Variants in ZNF277 observed in about 807,000 individuals in gnomAD.
ZNF277 encodes the protein nuclear receptor-interacting factor 4.
A neutral mutation model predicts 60.7 loss-of-function variants in ZNF277; 55 were observed. The observed-to-expected ratio is 0.91, with a 90% CI of 0.73 to 1.13. ZNF277 has a LOEUF of 1.13. ZNF277 is among the 50% of genes most tolerant of loss of function. The pLI, the probability that ZNF277 is intolerant of heterozygous loss-of-function variation, is 0.00. For missense variants in ZNF277, 510 were observed against 523.0 expected (o/e 0.98, Z 0.24); for synonymous variants, 178 against 179.3 (o/e 0.99, Z 0.06).
chr7:112,210,913 T>C (rs1821728238), intron 1 of ZNF277, among the ~76,000 whole-genome samples: 1 of 152,238 alleles, frequency 6.6e-6, no homozygotes, highest in South Asian at 2.1e-4. Context: ...GTTCTTTTGC[T>C]GTTTTTAAAA....
intron 4 of ZNF277, among the ~76,000 whole-genome samples, chr7:112,304,951 C>A (rs1350188073): frequency 1.3e-5 from 2 of 152,150 alleles, no homozygotes; most frequent in Non-Finnish European, 2.9e-5. Flanking sequence ...CTCTGAGCCA[C>A]TCTCCCACGT....
intron 8 of ZNF277, among the ~76,000 whole-genome samples, chr7:112,336,744 G>A (rs1477018907): frequency 6.6e-6 from 1 of 152,132 alleles, no homozygotes; most frequent in Non-Finnish European, 1.5e-5. Context: ...AAGCCCAAAG[G>A]TAGAGAGCTG....
At chr7:112,319,178 A>G (rs1272293210) in intron 5 of ZNF277, among the ~76,000 whole-genome samples, 1 of 152,040 alleles carries the variant, frequency 6.6e-6, no homozygotes, top group Non-Finnish European at 1.5e-5. Context: ...TATTGAACTC[A>G]ATCAGCAGCC....
rs144036584 is a variant in ZNF277, at chr7:112,225,029, G to A, written c.91+18222G>A. Among the ~76,000 whole-genome samples, 29 of 152,316 alleles carry A rather than the reference G, an allele frequency of 1.9e-4. No individual in the cohort carries two copies. The East Asian group carries it at 4.6e-3, about 24-fold the overall frequency. On this transcript the variant is annotated intron_variant, in intron 1 of 11. Coordinates refer to ENST00000361822, the MANE Select transcript of ZNF277 (RefSeq NM_021994.3). Reference sequence around the variant, plus strand: ...ATATAGAGGAAGATGGATTCTGGATGAGGCATCAAGTCAAGAAGTGATAGA... The same window carrying A: ...ATATAGAGGAAGATGGATTCTGGATAAGGCATCAAGTCAAGAAGTGATAGA...
intron 1 of ZNF277, among the ~76,000 whole-genome samples, chr7:112,224,318 A>G (rs576391321): frequency 7.2e-5 from 11 of 152,272 alleles, no homozygotes; most frequent in Non-Finnish European, 1.5e-4. Context: ...AACAAATTTC[A>G]TAATGTTTTA....
chr7:112,257,431 T>C (rs1426433325), intron 1 of ZNF277, among the ~76,000 whole-genome samples: 2 of 152,144 alleles, frequency 1.3e-5, no homozygotes, highest in African/African-American at 4.8e-5. Flanking sequence ...GAACTGGGTA[T>C]AAAATGAATG....
At position 112,252,475 on chromosome 7, in the gene ZNF277, A is replaced by G. The variant is rs374682584; in HGVS notation, c.92-34398A>G. Reference sequence around the variant, plus strand: ...GAGTCACTGAGACAGAAAGAAGAAAAACTTAAAAAGAAACAAAACTCTTTT... The same window carrying G: ...GAGTCACTGAGACAGAAAGAAGAAAGACTTAAAAAGAAACAAAACTCTTTT... On this transcript the variant is annotated intron_variant, in intron 1 of 11. Coordinates refer to ENST00000361822, the MANE Select transcript of ZNF277 (RefSeq NM_021994.3). Among the ~76,000 whole-genome samples the G allele has an allele frequency of 1.9e-4, 29 of 152,306 alleles. 1 individual carries two copies. The East Asian group carries it at 3.1e-3, about 16-fold the overall frequency.
At chr7:112,311,721 AAAAAG>A (rs1394339332) in intron 4 of ZNF277, among the ~76,000 whole-genome samples, 1 of 152,020 alleles carries the variant, frequency 6.6e-6, no homozygotes, top group Non-Finnish European at 1.5e-5. Flanking sequence ...GGAAAGAAAA[AAAAAG>A]AGGGAGAAAA....
At chr7:112,225,877 T>C (rs2116969386) in intron 1 of ZNF277, among the ~76,000 whole-genome samples, 1 of 152,306 alleles carries the variant, frequency 6.6e-6, no homozygotes, top group Non-Finnish European at 1.5e-5. Context: ...GAGAAAAGTA[T>C]TATGATACTA....
chr7:112,329,245 A>G (rs1188279961), intron 6 of ZNF277, among the ~76,000 whole-genome samples: 5 of 152,184 alleles, frequency 3.3e-5, no homozygotes, highest in African/African-American at 1.2e-4. Flanking sequence ...AATATATTAT[A>G]CTTAGACACT....
At chr7:112,311,535 A>AT (rs1362520031) in intron 4 of ZNF277, among the ~76,000 whole-genome samples, 8 of 151,600 alleles carry the variant, frequency 5.3e-5, no homozygotes, top group African/African-American at 1.2e-4. Flanking sequence ...CCCAGCATGA[A>AT]TTTTTTTTTA....
chr7:112,238,889 G>A (rs544707279), intron 1 of ZNF277, among the ~76,000 whole-genome samples: 9 of 151,920 alleles, frequency 5.9e-5, no homozygotes, highest in East Asian at 1.9e-4. Flanking sequence ...ATTTTGGCGC[G>A]TACCGCCCTG....
intron 1 of ZNF277, among the ~76,000 whole-genome samples, chr7:112,270,760 C>G (rs908888627): frequency 1.3e-5 from 2 of 151,984 alleles, no homozygotes; most frequent in African/African-American, 4.8e-5. Context: ...CATTTTTTAA[C>G]TCTTACTCTA....
intron 2 of ZNF277, chr7:112,288,951 TAAAAAAAAAAAAAA>T (rs759044500): frequency 2.8e-5 from 2 of 70,388 alleles, no homozygotes; most frequent in African/African-American, 6.7e-5. Flanking sequence ...CTGCCTTTCT[TAAAAAAAAAAAAAA>T]AAAAAAAAAA....
chr7:112,233,790 C>A (rs1429920535), intron 1 of ZNF277, among the ~76,000 whole-genome samples: 1 of 152,072 alleles, frequency 6.6e-6, no homozygotes, highest in Non-Finnish European at 1.5e-5. Flanking sequence ...AAATTGAGAA[C>A]CTAATTGAAA....
intron 2 of ZNF277, chr7:112,288,339 C>T (rs1396397252): frequency 1.3e-5 from 2 of 152,218 alleles, no homozygotes; most frequent in South Asian, 2.1e-4. Flanking sequence ...GTAGCCCAGA[C>T]ATTGAATACC....
chr7:112,290,000 T>C (rs962149384), intron 2 of ZNF277, among the ~76,000 whole-genome samples: 1 of 152,206 alleles, frequency 6.6e-6, no homozygotes, highest in Non-Finnish European at 1.5e-5. Context: ...TAATTTTTTA[T>C]GTTTTTAAAT....
chr7:112,226,385 G>C (rs1257335201), intron 1 of ZNF277, among the ~76,000 whole-genome samples: 1 of 152,130 alleles, frequency 6.6e-6, no homozygotes, highest in African/African-American at 2.4e-5. Flanking sequence ...AGCCAGAGTT[G>C]TTTTGAAGAT....
intron 1 of ZNF277, among the ~76,000 whole-genome samples, chr7:112,218,996 T>C (rs535406878): frequency 2.0e-5 from 3 of 152,196 alleles, no homozygotes; most frequent in Admixed American, 6.5e-5. Context: ...AGTAGATTCA[T>C]TGGATCATAT....
Sources: gnomAD v4.1 joint callset for allele counts (sites outside exome capture counted in the v4.1 genomes callset) on GRCh38, gnomAD v4.1.1 for gene constraint, MANE v1.5 for transcripts, NCBI Gene and HGNC (gene_info 2026-07-23, HGNC 2026-07-21) for gene names.